The following ARMCX4 variants were observed in gnomAD, a reference collection of about 807,000 sequenced individuals.
The protein encoded by ARMCX4 is armadillo repeat containing X-linked 4.
A neutral mutation model predicts 34.7 loss-of-function variants in ARMCX4; 3 were observed. That is an observed-to-expected ratio of 0.09 (90% CI 0.04 to 0.22). The LOEUF is 0.22. ARMCX4 is among the 10% of genes least tolerant of loss of function. The pLI is 1.00. For missense variants in ARMCX4, 1,448 were observed against 1,720.8 expected, an observed-to-expected ratio of 0.84 and a Z score of 2.81; for synonymous variants, 513 against 632.8, an observed-to-expected ratio of 0.81 and a Z score of 2.84.
chrX:101,498,178 G>T, downstream of ARMCX4: 1 of 329,953 alleles, frequency 3.0e-6, no homozygotes, highest in Non-Finnish European at 5.9e-6. Context: ...TAGTAAAAAC[G>T]CTTCATGCTG....
chrX:101,421,991 G>GTTATTATTATTATTATTA (rs200537627), intron 2 of ARMCX4, among the ~76,000 whole-genome samples: 17 of 96,390 alleles, frequency 1.8e-4, no homozygotes, highest in African/African-American at 5.4e-4. Flanking sequence ...TGGGGGATCA[G>GTTATTATTATTATTATTA]TTATTATTAT....
intron 4 of ARMCX4, among the ~76,000 whole-genome samples, chrX:101,464,153 AC>A (rs782378216): frequency 1.8e-5 from 2 of 109,626 alleles, no homozygotes; most frequent in South Asian, 8.0e-4. Flanking sequence ...CGGGTGGATC[AC>A]CTGAGGTCAG....
chrX:101,519,727 T>C (rs1323154997), intron 11 of ARMCX4, among the ~76,000 whole-genome samples: 1 of 111,476 alleles, frequency 9.0e-6, no homozygotes, highest in Non-Finnish European at 1.9e-5. Flanking sequence ...TCTATTTTAG[T>C]TTTTTGAGGA....
rs782307613 is a variant in ARMCX4 at position 101,518,916 on chromosome X, A to T, written c.*1780+7861A>T. Among the ~76,000 whole-genome samples, 15 of 110,780 alleles carry T rather than the reference A, an allele frequency of 1.4e-4. 3 individuals are homozygous for T. The East Asian group carries it at 1.4e-3, about 10-fold the overall frequency. On this transcript the variant is annotated intron_variant and NMD_transcript_variant, in intron 11 of 12. Transcript: ENST00000354842. Reference sequence around the variant, plus strand: ...ATGGTGTGATCCGCCAAGAATATACAAGAAACTTTATCAAACAGCATAGCA... The same window carrying T: ...ATGGTGTGATCCGCCAAGAATATACTAGAAACTTTATCAAACAGCATAGCA...
Position 101,510,443 on chromosome X carries a change from C to G in ARMCX4, c.*1750-582C>G, listed in dbSNP as rs1934554691. Among the ~76,000 whole-genome samples the G allele has an allele frequency of 3.6e-5, 4 of 112,141 alleles. No individual in the cohort carries two copies. The Admixed American group carries it at 3.8e-4, about 11-fold the overall frequency. ...GCTTCAGTAAATAATCTCCAGTCTT[C>G]TGCCAGGGTCGGGGAGTGATAGTCA... On this transcript the variant is annotated intron_variant and NMD_transcript_variant, in intron 10 of 12. Coordinates refer to the ARMCX4 transcript ENST00000354842.
At position 101,489,229 on chromosome X, in the gene ARMCX4, G is replaced by T; in HGVS notation, c.640G>T (p.Ala214Ser). Residue 214 changes from alanine to serine, a missense_variant, in exon 6 of 6, where the codon GCA (alanine) becomes TCA (serine). Physicochemically the swap from Ala to Ser is moderately conservative, Grantham distance 99. Transcript: ENST00000423738. ...RVMVTQSETL[A>S]VPREVAKMGA... ...AATGGTTACACAGAGTGAGACCTTG[G>T]CAGTACCCAGGGAAGTGGCCAAGAT... 1 of 1,154,856 alleles carries T rather than the reference G, an allele frequency of 8.7e-7. No individual in the cohort carries two copies.
At chrX:101,512,858 ATG>A (rs782527991) in intron 11 of ARMCX4, among the ~76,000 whole-genome samples, 22 of 45,522 alleles carry the variant, frequency 4.8e-4, no homozygotes, top group African/African-American at 7.5e-4. Flanking sequence ...ATGTGTATAT[ATG>A]TATATATATG....
intron 2 of ARMCX4, among the ~76,000 whole-genome samples, chrX:101,433,087 T>C (rs910074266): frequency 9.1e-6 from 1 of 109,595 alleles, no homozygotes; most frequent in Non-Finnish European, 1.9e-5. Context: ...TATGTATACA[T>C]ATATGTGTAT....
Position 101,495,033 on chromosome X carries a change from A to G in ARMCX4, c.6444A>G (p.Ile2148Met). 8.7e-7 allele frequency: 1 copy of G among 1,153,675 alleles called. No homozygotes were observed. Among genetic ancestry groups the G allele is most frequent in the Non-Finnish European group, 1.1e-6 (1 of 870,615 alleles). Residue 2148 changes from isoleucine to methionine, a missense_variant, in exon 6 of 6, where the codon ATA becomes ATG. Coordinates refer to ENST00000423738, the MANE Select transcript of ARMCX4 (RefSeq NM_001256155.3). ...SNVQLAGLRL[I>M]RHLTITSEYQ... ...TGCAGTTGGCTGGACTAAGGTTGAT[A>G]AGGCATCTGACTATTACCAGTGAAT...
At chrX:101,499,206 A>G (rs782224292), downstream of ARMCX4, 201 of 111,747 alleles carry the variant, frequency 1.8e-3, 2 homozygotes, top group African/African-American at 6.1e-3. Context: ...TTCCCAGAAT[A>G]CAGGATTTAA....
Position 101,487,620 on chromosome X carries a change from G to A in ARMCX4, c.-274G>A. On this transcript the variant is annotated 5_prime_UTR_variant, in exon 4 of 6. The change abolishes an upstream ATG in the 5' untranslated region. Coordinates refer to ENST00000423738, the MANE Select transcript of ARMCX4 (RefSeq NM_001256155.3). ...TACTTGTCCATAGATCTGCCTGCAT[G>A]TCTGCTGCAGGGCTTAAGATCACTG... is the stretch of plus-strand genomic sequence containing the variant. The A allele has an allele frequency of 1.0e-6, 1 of 960,537 alleles. No homozygotes were observed. The highest frequency in any genetic ancestry group is 1.3e-6 in the Non-Finnish European group (1 of 745,918). 79.2% of individuals were successfully genotyped at this position (960,537 alleles called of 1,213,427 possible). A position where few individuals can be genotyped will look rare whatever the true frequency, so the allele number is the denominator to read the frequency against.
intron 11 of ARMCX4, among the ~76,000 whole-genome samples, chrX:101,520,806 A>C (rs987686407): frequency 9.0e-6 from 1 of 111,114 alleles, no homozygotes. Context: ...TTTTGGAAGA[A>C]TTTGTGAAAT....
rs1027442175 is a variant in ARMCX4, at chrX:101,490,673, T to C, written c.2084T>C (p.Val695Ala). Reference sequence around the variant, plus strand: ...AAGGTCAAGGGTAATTCCAATGCTGTGTCTAAGGCAGGGGCTGGGACAGAT... The same window carrying C: ...AAGGTCAAGGGTAATTCCAATGCTGCGTCTAAGGCAGGGGCTGGGACAGAT... ...KNKVKGNSNAVSKAGAGTDTT... is the reference protein window; with the variant it reads ...KNKVKGNSNAASKAGAGTDTT... Residue 695 changes from valine to alanine, a missense_variant, in exon 6 of 6, where the codon GTG becomes GCG. Transcript: ENST00000423738. 36 of 1,154,066 alleles carry C rather than the reference T, an allele frequency of 3.1e-5. No individual in the cohort carries two copies. The African/African-American group carries it at 4.9e-4, about 16-fold the overall frequency.
intron 2 of ARMCX4, among the ~76,000 whole-genome samples, chrX:101,432,069 T>A (rs1555992160): frequency 1.8e-5 from 2 of 112,605 alleles, no homozygotes; most frequent in African/African-American, 6.5e-5. Context: ...TGAATTACTC[T>A]TTTAAAAATT....
At chrX:101,466,692 G>A (rs781875995) in intron 4 of ARMCX4, among the ~76,000 whole-genome samples, 1 of 111,784 alleles carries the variant, frequency 8.9e-6, no homozygotes, top group Non-Finnish European at 1.9e-5. Context: ...CAGATCAGTG[G>A]TTTTTTGGGG....
chrX:101,490,711 G>A lies in ARMCX4; in HGVS notation c.2122G>A (p.Val708Ile). 2 of 1,154,693 alleles carry A rather than the reference G, an allele frequency of 1.7e-6. No homozygotes were observed. Among genetic ancestry groups the A allele is most frequent in the Non-Finnish European group, 2.3e-6 (2 of 872,606 alleles). The change falls in exon 6 of 6, where the codon GTC becomes ATC. Residue 708 changes from valine (V) to isoleucine (I), a missense_variant. Coordinates refer to ENST00000423738, the MANE Select transcript of ARMCX4 (RefSeq NM_001256155.3). ...GGCTGGGACAGATACAACAGGCTCTGTCCAGCCCCAGATTGTGGCCAATTC... is the reference window on the plus strand; with the variant it reads ...GGCTGGGACAGATACAACAGGCTCTATCCAGCCCCAGATTGTGGCCAATTC... ...AGAGTDTTGS[V>I]QPQIVANSQG...
Position 101,490,251 on chromosome X carries a change from C to G in ARMCX4, c.1662C>G (p.Val554=), listed in dbSNP as rs782365898. Residue 554 remains valine, a synonymous_variant, in exon 6 of 6, where the codon GTC becomes GTG. Coordinates refer to ENST00000423738, the MANE Select transcript of ARMCX4 (RefSeq NM_001256155.3). Reference sequence around the variant, plus strand: ...CCTGTACACAACCTCAGGCTGGGGTCAAGACCCCAGCTGAGGCCTTGCTTG... The same window carrying G: ...CCTGTACACAACCTCAGGCTGGGGTGAAGACCCCAGCTGAGGCCTTGCTTG... ...MKTCTQPQAG[V]KTPAEALLDS... The G allele has an allele frequency of 8.7e-7, 1 of 1,153,049 alleles. No homozygotes were observed. The highest frequency in any genetic ancestry group is 3.3e-5 in the East Asian group (1 of 30,603).
At chrX:101,514,357 C>T (rs1315170517) in intron 11 of ARMCX4, among the ~76,000 whole-genome samples, 4 of 111,406 alleles carry the variant, frequency 3.6e-5, no homozygotes, top group Admixed American at 1.9e-4. Context: ...ATGTAGATCA[C>T]ATAAAACTTC....
intron 2 of ARMCX4, among the ~76,000 whole-genome samples, chrX:101,424,598 A>C (rs782660769): frequency 9.0e-6 from 1 of 111,463 alleles, no homozygotes; most frequent in African/African-American, 3.3e-5. Flanking sequence ...CCACTGCAAA[A>C]CTGATTGCTT....
Sources: gnomAD v4.1 joint callset for allele counts (sites outside exome capture counted in the v4.1 genomes callset) on GRCh38, gnomAD v4.1.1 for gene constraint, MANE v1.5 for transcripts, NCBI Gene and HGNC (gene_info 2026-07-23, HGNC 2026-07-21) for gene names.